Variants in SLC35F4 observed in about 807,000 individuals in gnomAD.
The protein encoded by SLC35F4 is chromosome 14 open reading frame 36.
Under a neutral mutation model 44.2 loss-of-function variants are expected in SLC35F4, and 24 were observed. The observed-to-expected ratio is 0.54, with a 90% CI of 0.39 to 0.76. SLC35F4 has a LOEUF of 0.76. SLC35F4 is among the 30% of genes least tolerant of loss of function. The pLI is 0.00. For missense variants in SLC35F4, 562 were observed against 586.1 expected, an observed-to-expected ratio of 0.96 and a Z score of 0.42; for synonymous variants, 238 against 223.6, an observed-to-expected ratio of 1.06 and a Z score of -0.57.
At chr14:57,690,897 T>C (rs946868412) in intron 1 of SLC35F4, among the ~76,000 whole-genome samples, 5 of 152,096 alleles carry the variant, frequency 3.3e-5, no homozygotes, top group African/African-American at 1.2e-4. Context: ...TAAATACAGA[T>C]GAAGCTTGGC....
intron 5 of SLC35F4, among the ~76,000 whole-genome samples, chr14:57,571,672 T>C (rs756998355): frequency 1.3e-5 from 2 of 152,202 alleles, no homozygotes; most frequent in Non-Finnish European, 2.9e-5. Context: ...AGTTTCCTCA[T>C]CTGGAAAGTG....
intron 1 of SLC35F4, among the ~76,000 whole-genome samples, chr14:57,750,319 T>C (rs1458443165): frequency 6.6e-6 from 1 of 152,218 alleles, no homozygotes; most frequent in African/African-American, 2.4e-5. Flanking sequence ...TGATTCCATA[T>C]CTTTGCTATT....
At chr14:57,659,071 G>A (rs899489923) in intron 1 of SLC35F4, among the ~76,000 whole-genome samples, 8 of 152,168 alleles carry the variant, frequency 5.3e-5, no homozygotes, top group Non-Finnish European at 7.3e-5. Flanking sequence ...ATCCCTAGTG[G>A]ATCTTAAATC....
At chr14:57,656,523 C>T (rs967997785) in intron 1 of SLC35F4, among the ~76,000 whole-genome samples, 1 of 151,958 alleles carries the variant, frequency 6.6e-6, no homozygotes, top group African/African-American at 2.4e-5. Flanking sequence ...TATAGGAACT[C>T]AGAGTTCTAC....
intron 1 of SLC35F4, among the ~76,000 whole-genome samples, chr14:57,926,730 G>GT (rs943936166): frequency 7.8e-6 from 1 of 128,926 alleles, no homozygotes; most frequent in Non-Finnish European, 1.5e-5. Flanking sequence ...AGGGTTGGGG[G>GT]GGGGGGGTGG....
downstream of SLC35F4, among the ~76,000 whole-genome samples, chr14:57,975,274 G>A (rs573172489): frequency 6.2e-4 from 94 of 152,282 alleles, no homozygotes; most frequent in African/African-American, 1.9e-3. Context: ...ATCAATTGAT[G>A]GGGCTACCCT....
intron 1 of SLC35F4, among the ~76,000 whole-genome samples, chr14:57,624,485 G>A (rs1594623164): frequency 1.3e-5 from 2 of 152,200 alleles, no homozygotes; most frequent in South Asian, 4.1e-4. Context: ...ACAACAACCT[G>A]GGGGAGACAC....
chr14:57,909,080 G>T (rs1450466857), intron 1 of SLC35F4, among the ~76,000 whole-genome samples: 1 of 152,166 alleles, frequency 6.6e-6, no homozygotes, highest in East Asian at 1.9e-4. Flanking sequence ...GTTTGTGGAA[G>T]ATCAGATGAT....
rs560258422 is a variant in SLC35F4, at chr14:57,915,703, C to G, written n.282+66210G>C. Among the ~76,000 whole-genome samples, 517 of 152,308 alleles carry G rather than the reference C, an allele frequency of 3.4e-3. 1 individual carries two copies. Among genetic ancestry groups the G allele is most frequent in the Non-Finnish European group, 5.9e-3 (404 of 68,014 alleles). On this transcript the variant is annotated intron_variant and non_coding_transcript_variant, in intron 1 of 1. Transcript: ENST00000556568. ...TGGCCTTTACTTGAGTGTTCAGTACCTTGTTCCTCATTTCCATGTAAGACC... is the reference window on the plus strand; with the variant it reads ...TGGCCTTTACTTGAGTGTTCAGTACGTTGTTCCTCATTTCCATGTAAGACC...
At chr14:57,621,007 T>C (rs987163364) in intron 1 of SLC35F4, among the ~76,000 whole-genome samples, 5 of 151,514 alleles carry the variant, frequency 3.3e-5, no homozygotes, top group African/African-American at 1.2e-4. Flanking sequence ...ATCACAAGCA[T>C]TCTTATACAC....
intron 4 of SLC35F4, among the ~76,000 whole-genome samples, chr14:57,576,475 T>G (rs958033781): frequency 6.6e-6 from 1 of 152,228 alleles, no homozygotes; most frequent in African/African-American, 2.4e-5. Flanking sequence ...ATGAGAAACA[T>G]GCTAATGATT....
rs1324396113 is a variant in SLC35F4 at position 57,917,375 on chromosome 14, T to A, written n.282+64538A>T. On this transcript the variant is annotated intron_variant and non_coding_transcript_variant, in intron 1 of 1. Coordinates refer to the SLC35F4 transcript ENST00000556568. ...CACCCAGCCCTCTCTGCTTACATTTTTTTTATTTCTCCTTGCATGTTGTCT... is the reference window on the plus strand; with the variant it reads ...CACCCAGCCCTCTCTGCTTACATTTATTTTATTTCTCCTTGCATGTTGTCT... 2.0e-5 allele frequency among the ~76,000 whole-genome samples: 3 copies of A among 152,292 alleles called. No individual in the cohort carries two copies. The East Asian group carries it at 5.8e-4, about 29-fold the overall frequency.
chr14:57,820,540 A>T (rs1363186991), intron 1 of SLC35F4, among the ~76,000 whole-genome samples: 4 of 152,332 alleles, frequency 2.6e-5, no homozygotes, highest in South Asian at 4.1e-4. Context: ...ATGTCTCAGT[A>T]ATTAATGTTT....
At chr14:57,566,592 T>C (rs1428817914) in intron 6 of SLC35F4, 28 bp from the exon 7 acceptor site, 3 of 1,564,072 alleles carry the variant, frequency 1.9e-6, no homozygotes, top group African/African-American at 2.7e-5. Flanking sequence ...AAATGCAAGA[T>C]GAAAGAGAAA....
At chr14:57,872,477 G>A (rs573618623) in intron 1 of SLC35F4, among the ~76,000 whole-genome samples, 1 of 152,150 alleles carries the variant, frequency 6.6e-6, no homozygotes, top group South Asian at 2.1e-4. Context: ...CCTTTGCAGT[G>A]ACCACCCTGT....
chr14:57,895,911 A>G (rs1888859816), intron 1 of SLC35F4, among the ~76,000 whole-genome samples: 1 of 152,094 alleles, frequency 6.6e-6, no homozygotes, highest in Non-Finnish European at 1.5e-5. Context: ...TATACAACCA[A>G]TCACACTGAT....
intron 1 of SLC35F4, among the ~76,000 whole-genome samples, chr14:57,802,073 A>C (rs555111224): frequency 2.0e-5 from 3 of 152,328 alleles, no homozygotes. Context: ...TAATCACATA[A>C]TTGGAAGTAA....
intron 1 of SLC35F4, among the ~76,000 whole-genome samples, chr14:57,944,103 T>C (rs965633999): frequency 6.6e-6 from 1 of 152,172 alleles, no homozygotes; most frequent in African/African-American, 2.4e-5. Flanking sequence ...TGTCACATTC[T>C]TGTGATTGCA....
At chr14:57,645,012 T>G (rs2140175564) in intron 1 of SLC35F4, among the ~76,000 whole-genome samples, 1 of 152,372 alleles carries the variant, frequency 6.6e-6, no homozygotes, top group South Asian at 2.1e-4. Context: ...CATGCTGTTT[T>G]GGTTACTGTA....
Sources: gnomAD v4.1 joint callset for allele counts (sites outside exome capture counted in the v4.1 genomes callset) on GRCh38, gnomAD v4.1.1 for gene constraint, MANE v1.5 for transcripts, NCBI Gene and HGNC (gene_info 2026-07-23, HGNC 2026-07-21) for gene names.